MEAK7: variants seen among roughly 807,000 people sequenced by gnomAD.
MEAK7 encodes the protein MTOR associated protein MEAK7.
In MEAK7, 68 loss-of-function variants were observed where a neutral mutation model predicts 40.5. That is an observed-to-expected ratio of 1.68 (90% CI 1.38 to 2.06). MEAK7 has a LOEUF of 2.06. Among genes scored for constraint, MEAK7 ranks in the 30% most tolerant of loss-of-function variants. MEAK7 has a pLI of 0.00. For missense variants in MEAK7, 918 were observed against 580.5 expected (o/e 1.58, Z -5.98); for synonymous variants, 338 against 231.9 (o/e 1.46, Z -4.16).
intron 3 of MEAK7, among the ~76,000 whole-genome samples, chr16:84,495,385 G>A (rs570784055): frequency 3.9e-5 from 6 of 152,246 alleles, no homozygotes; most frequent in African/African-American, 1.4e-4. Flanking sequence ...TTCCCTACCT[G>A]CTCCCTTCCT....
rs149831911 is a variant in MEAK7 at position 84,476,800 on chromosome 16, G to A, written c.*3113C>T. 2.8e-4 allele frequency: 42 copies of A among 152,376 alleles called. No homozygotes were observed. In the East Asian group the frequency reaches 7.7e-3, roughly 28 times the overall value. 9.4% of individuals were successfully genotyped at this position (152,376 alleles called of 1,614,324 possible). A position where few individuals can be genotyped will look rare whatever the true frequency, so the allele number is the denominator to read the frequency against. ...AGACCTGAGTGATTTTTGCATCAGT[G>A]CCTTTGCCTGTCAGGAGGGAAAATA... On this transcript the variant is annotated 3_prime_UTR_variant, in exon 8 of 8. Transcript: ENST00000343629.
At chr16:84,496,495 C>T (rs1914060405) in intron 2 of MEAK7, among the ~76,000 whole-genome samples, 1 of 152,162 alleles carries the variant, frequency 6.6e-6, no homozygotes, top group African/African-American at 2.4e-5. Context: ...CTCTCCGCTC[C>T]TTAAAGCCAC....
intron 3 of MEAK7, among the ~76,000 whole-genome samples, chr16:84,491,754 C>T (rs567215004): frequency 2.0e-5 from 3 of 149,876 alleles, no homozygotes; most frequent in Non-Finnish European, 3.0e-5. Flanking sequence ...AGGAGAATGA[C>T]GTGAACCCAG....
rs1379861321 is a variant in MEAK7, at chr16:84,476,603, G to T, written c.*3310C>A. ...GCAAACAAAATGTTCCCCAGCTGCA[G>T]ACGGTGGAACGCTAGGCCCGAGAGC... On this transcript the variant is annotated 3_prime_UTR_variant, in exon 8 of 8. Coordinates refer to ENST00000343629, the MANE Select transcript of MEAK7 (RefSeq NM_020947.4). 1.3e-5 allele frequency: 2 copies of T among 152,184 alleles called. No individual in the cohort carries two copies. The highest frequency in any genetic ancestry group is 4.8e-5 in the African/African-American group (2 of 41,448). 9.4% of individuals were successfully genotyped at this position (152,184 alleles called of 1,614,324 possible). A position where few individuals can be genotyped will look rare whatever the true frequency, so the allele number is the denominator to read the frequency against.
chr16:84,480,607 CGGGCTGTTGTACGTGGTGCACGT>C lies in MEAK7; in HGVS notation c.1156_1178del (p.Thr386AlafsTer11), dbSNP rs1912446342. 13 of 1,614,026 alleles carry C rather than the reference CGGGCTGTTGTACGTGGTGCACGT, an allele frequency of 8.1e-6. No individual in the cohort carries two copies. Among genetic ancestry groups the C allele is most frequent in the Non-Finnish European group, 1.1e-5 (13 of 1,179,976 alleles). ...GGAAGTTCTCCTGAGCCGACAGCTG[CGGGCTGTTGTACGTGGTGCACGT>C]GGGCTTGGCTCTGCTGTGTCCTTTC... is the stretch of plus-strand genomic sequence containing the variant. On this transcript the variant is annotated frameshift_variant, in exon 7 of 8. Transcript: ENST00000343629. LOFTEE classifies it high-confidence loss of function.
chr16:84,485,128 G>C (rs111995597), intron 5 of MEAK7, among the ~76,000 whole-genome samples: 649 of 152,282 alleles, frequency 4.3e-3, no homozygotes, highest in Non-Finnish European at 6.8e-3. Flanking sequence ...CCCTATGCCT[G>C]TGACATGGAG....
In MEAK7 at chr16:84,504,657, G is replaced by A. The variant is rs867789735; in HGVS notation, c.-82C>T. 26 of 985,624 alleles carry A rather than the reference G, an allele frequency of 2.6e-5. No homozygotes were observed. In the South Asian group the frequency reaches 6.6e-4, roughly 25 times the overall value. The allele number at this position is 985,624 out of a possible 1,614,324, so 61.1% of individuals were successfully genotyped here. A position where few individuals can be genotyped will look rare whatever the true frequency, so the allele number is the denominator to read the frequency against. On this transcript the variant is annotated 5_prime_UTR_variant, in exon 1 of 8. Transcript: ENST00000343629. ...GTCCAGCAGCCCACGGGCTCCTCTC[G>A]AGAGCCGCCCCTTCCCTGTTGCCAG...
At chr16:84,490,293 AAG>A (rs1491068619) in intron 3 of MEAK7, among the ~76,000 whole-genome samples, 6 of 151,622 alleles carry the variant, frequency 4.0e-5, no homozygotes, top group African/African-American at 1.4e-4. Context: ...AAAAAAAAAA[AAG>A]AAGGAAAGAG....
intron 6 of MEAK7, among the ~76,000 whole-genome samples, chr16:84,482,331 AG>A (rs1465706428): frequency 6.6e-6 from 1 of 152,264 alleles, no homozygotes; most frequent in African/African-American, 2.4e-5. Context: ...TCTGAGGGCC[AG>A]AAAAATGGGC....
intron 5 of MEAK7, among the ~76,000 whole-genome samples, chr16:84,485,663 C>CT (rs1357237005): frequency 6.7e-5 from 10 of 149,782 alleles, no homozygotes; most frequent in Admixed American, 3.3e-4. Flanking sequence ...TCCATCCATC[C>CT]ATCTATCTAC....
chr16:84,485,697 T>TCTAC, intron 5 of MEAK7, among the ~76,000 whole-genome samples: 1 of 152,292 alleles, frequency 6.6e-6, no homozygotes, highest in South Asian at 2.1e-4. Flanking sequence ...TATCTATCTA[T>TCTAC]CTAGAGATGG....
At chr16:84,493,285 A>G (rs979195051) in intron 3 of MEAK7, among the ~76,000 whole-genome samples, 1 of 152,134 alleles carries the variant, frequency 6.6e-6, no homozygotes, top group Non-Finnish European at 1.5e-5. Context: ...TTTTACTTTG[A>G]TCCTTTTATA....
chr16:84,482,219 T>G (rs1912620934), intron 6 of MEAK7, among the ~76,000 whole-genome samples: 1 of 152,042 alleles, frequency 6.6e-6, no homozygotes, highest in East Asian at 1.9e-4. Context: ...GGCCGTCCAT[T>G]CCCCTTGGTC....
Position 84,478,049 on chromosome 16 carries a change from ATTTT to A in MEAK7, c.*1860_*1863del, listed in dbSNP as rs3833050. 1 of 150,906 alleles carries A rather than the reference ATTTT, an allele frequency of 6.6e-6. No homozygotes were observed. The highest frequency in any genetic ancestry group is 2.4e-5 in the African/African-American group (1 of 41,078). The allele number at this position is 150,906 out of a possible 1,614,324, so 9.3% of individuals were successfully genotyped here. On this transcript the variant is annotated 3_prime_UTR_variant, in exon 8 of 8. Transcript: ENST00000343629. Reference sequence around the variant, plus strand: ...AGGCACAGACACTGACGGACATTTAATTTTTTTTTTAACTGAGGCATCATGGCAG... The same window carrying A: ...AGGCACAGACACTGACGGACATTTAATTTTTTAACTGAGGCATCATGGCAG...
At chr16:84,495,252 G>C (rs747960838) in intron 3 of MEAK7, among the ~76,000 whole-genome samples, 3 of 152,180 alleles carry the variant, frequency 2.0e-5, no homozygotes, top group Non-Finnish European at 2.9e-5. Flanking sequence ...CTGGGTGACA[G>C]ATCAAGACTC....
At chr16:84,504,078 G>A in intron 1 of MEAK7, 1 of 985,578 alleles carries the variant, frequency 1.0e-6, no homozygotes, top group African/African-American at 1.7e-5. Flanking sequence ...AGAAGTTCCT[G>A]TGGGCCAGAA....
Position 84,479,720 on chromosome 16 carries a change from T to C in MEAK7, c.*193A>G, listed in dbSNP as rs1912342709. 1 of 416,948 alleles carries C rather than the reference T, an allele frequency of 2.4e-6. No homozygotes were observed. The highest frequency in any genetic ancestry group is 4.3e-6 in the Non-Finnish European group (1 of 231,340). 25.8% of individuals were successfully genotyped at this position (416,948 alleles called of 1,614,324 possible). On this transcript the variant is annotated 3_prime_UTR_variant, in exon 8 of 8. Transcript: ENST00000343629. The stretch of plus-strand genomic sequence containing the variant: ...AAAAAGAAAACTTAAAAAACATCTA[T>C]TTCTGGGAGATCCACCCATGAGTCA...
chr16:84,497,683 C>T (rs912104275), intron 2 of MEAK7: 40 of 1,473,144 alleles, frequency 2.7e-5, no homozygotes, highest in East Asian at 1.4e-4. Context: ...ATTTCAAAAA[C>T]GGGGAGGGAT....
In MEAK7 at chr16:84,479,868, C is replaced by A. The variant is rs768940582; in HGVS notation, c.*45G>T. Reference sequence around the variant, plus strand: ...AGGGGCTGCAGGCGTTGCCCTCTACCCAGAGGAATCCAGGTCCTGGCTCCA... The same window carrying A: ...AGGGGCTGCAGGCGTTGCCCTCTACACAGAGGAATCCAGGTCCTGGCTCCA... On this transcript the variant is annotated 3_prime_UTR_variant, in exon 8 of 8. Transcript: ENST00000343629. The A allele has an allele frequency of 2.7e-6, 4 of 1,507,002 alleles. No individual in the cohort carries two copies. Among genetic ancestry groups the A allele is most frequent in the East Asian group, 2.3e-5 (1 of 43,236 alleles). The allele number at this position is 1,507,002 out of a possible 1,614,324, so 93.4% of individuals were successfully genotyped here.
Sources: gnomAD v4.1 joint callset for allele counts (sites outside exome capture counted in the v4.1 genomes callset) on GRCh38, gnomAD v4.1.1 for gene constraint, MANE v1.5 for transcripts, NCBI Gene and HGNC (gene_info 2026-07-23, HGNC 2026-07-21) for gene names.